Variants in ST6GAL1 observed in about 807,000 individuals in gnomAD.
ST6GAL1 encodes beta-galactoside alpha-2,6-sialyltransferase 1.
Under a neutral mutation model 38.0 loss-of-function variants are expected in ST6GAL1, and 20 were observed. The observed-to-expected ratio is 0.53, with a 90% confidence interval of 0.37 to 0.77. The LOEUF is 0.77. Among genes scored for constraint, ST6GAL1 ranks in the 30% least tolerant of loss-of-function variants. The pLI is 0.00. For missense variants in ST6GAL1, 432 were observed against 496.4 expected (o/e 0.87, Z 1.23); for synonymous variants, 196 against 188.2 (o/e 1.04, Z -0.34).
chr3:186,947,684 G>A (rs893016043), intron 1 of ST6GAL1, among the ~76,000 whole-genome samples: 12 of 152,162 alleles, frequency 7.9e-5, no homozygotes, highest in Non-Finnish European at 1.6e-4. Flanking sequence ...TCCAGCAGCC[G>A]TGTGGCCCCA....
intron 1 of ST6GAL1, among the ~76,000 whole-genome samples, chr3:186,946,839 A>G (rs1714388027): frequency 6.6e-6 from 1 of 152,206 alleles, no homozygotes; most frequent in African/African-American, 2.4e-5. Context: ...GGAGATACAG[A>G]TGGATGAACA....
At chr3:187,045,270 G>A (rs548447252) in intron 4 of ST6GAL1, among the ~76,000 whole-genome samples, 10 of 151,610 alleles carry the variant, frequency 6.6e-5, no homozygotes, top group Admixed American at 5.3e-4. Flanking sequence ...TAGAAGACAC[G>A]AGTAAGAGAC....
intron 2 of ST6GAL1, among the ~76,000 whole-genome samples, chr3:186,999,435 G>A (rs1013532127): frequency 2.1e-5 from 3 of 143,564 alleles, no homozygotes; most frequent in Admixed American, 7.2e-5. Flanking sequence ...TTTTTGAGAC[G>A]GAGTCTCACT....
In ST6GAL1 at chr3:187,051,360, T is replaced by C. The variant is rs755439763; in HGVS notation, c.705+14T>C. The C allele has an allele frequency of 6.2e-7, 1 of 1,612,312 alleles. No homozygotes were observed. Among genetic ancestry groups the C allele is most frequent in the Non-Finnish European group, 8.5e-7 (1 of 1,178,466 alleles). Reference sequence around the variant, plus strand: ...ATGAACTCTCAGGTAAAATTTCTTCTGTGCAGCTATGGAGTAAGAGAAGGA... The same window carrying C: ...ATGAACTCTCAGGTAAAATTTCTTCCGTGCAGCTATGGAGTAAGAGAAGGA... On this transcript the variant is annotated intron_variant, in intron 5 of 7. Coordinates refer to ENST00000169298, the MANE Select transcript of ST6GAL1 (RefSeq NM_173216.2).
chr3:187,059,446 A>G (rs1475939452), intron 5 of ST6GAL1, among the ~76,000 whole-genome samples: 2 of 152,232 alleles, frequency 1.3e-5, no homozygotes, highest in African/African-American at 2.4e-5. Flanking sequence ...CCACTTCTAT[A>G]TAAGATGCTA....
intron 2 of ST6GAL1, among the ~76,000 whole-genome samples, chr3:187,003,945 T>G (rs1716700792): frequency 6.6e-6 from 1 of 152,178 alleles, no homozygotes; most frequent in South Asian, 2.1e-4. Context: ...TGATGTGGTT[T>G]GAATATATGT....
At chr3:187,018,511 TGGAGTCTGATGTTCGAGGGCA>T (rs1430408543) in intron 2 of ST6GAL1, among the ~76,000 whole-genome samples, 3 of 152,144 alleles carry the variant, frequency 2.0e-5, no homozygotes, top group Non-Finnish European at 4.4e-5. Context: ...CTGAAGAACT[TGGAGTCTGATGTTCGAGGGCA>T]GGAAGCATCC....
chr3:186,997,185 G>A (rs539535443), intron 2 of ST6GAL1, among the ~76,000 whole-genome samples: 2 of 152,208 alleles, frequency 1.3e-5, no homozygotes, highest in South Asian at 2.1e-4. Flanking sequence ...CACTGGGCAC[G>A]TTACGCTACT....
chr3:187,054,642 T>C (rs1348213934), intron 5 of ST6GAL1, among the ~76,000 whole-genome samples: 1 of 152,240 alleles, frequency 6.6e-6, no homozygotes, highest in African/African-American at 2.4e-5. Context: ...ATTCCAGGGA[T>C]GAAGCTGACT....
At chr3:186,937,493 G>A (rs565967415) in intron 1 of ST6GAL1, among the ~76,000 whole-genome samples, 30 of 152,132 alleles carry the variant, frequency 2.0e-4, no homozygotes, top group Non-Finnish European at 3.5e-4. Context: ...AGTCTTCAAC[G>A]TCTGCATATG....
intron 5 of ST6GAL1, among the ~76,000 whole-genome samples, chr3:187,065,610 C>A (rs1388402020): frequency 6.6e-6 from 1 of 152,116 alleles, no homozygotes; most frequent in Non-Finnish European, 1.5e-5. Flanking sequence ...ACCTCCTGTA[C>A]CCTGTGGGCC....
chr3:186,967,822 T>C (rs1473844197), intron 2 of ST6GAL1, among the ~76,000 whole-genome samples: 1 of 152,212 alleles, frequency 6.6e-6, no homozygotes, highest in East Asian at 1.9e-4. Flanking sequence ...TGGAGTCTGT[T>C]CTGCTGACTG....
intron 1 of ST6GAL1, among the ~76,000 whole-genome samples, chr3:186,941,590 C>A (rs962759220): frequency 6.6e-6 from 1 of 151,486 alleles, no homozygotes; most frequent in Non-Finnish European, 1.5e-5. Context: ...GCAAGATGGG[C>A]GGGGGGTGAG....
At chr3:187,072,032 A>T (rs577661427) in intron 5 of ST6GAL1, 1 of 152,308 alleles carries the variant, frequency 6.6e-6, no homozygotes, top group South Asian at 2.1e-4. Context: ...CAAAGAGTAT[A>T]AATGTGCTTT....
intron 5 of ST6GAL1, among the ~76,000 whole-genome samples, chr3:187,062,303 C>T (rs1718944047): frequency 1.3e-5 from 2 of 151,992 alleles, no homozygotes; most frequent in African/African-American, 4.8e-5. Flanking sequence ...AATGGAATTA[C>T]CGTGTAATCT....
chr3:186,967,536 A>G (rs12495026), intron 2 of ST6GAL1, among the ~76,000 whole-genome samples: 38,652 of 152,130 alleles, frequency 0.25, 5,446 homozygotes, highest in East Asian at 0.56. Context: ...TGGGGAACAA[A>G]CCAGCAGATG....
At chr3:186,945,288 A>G (rs1714316594) in intron 1 of ST6GAL1, among the ~76,000 whole-genome samples, 1 of 151,708 alleles carries the variant, frequency 6.6e-6, no homozygotes, top group Non-Finnish European at 1.5e-5. Context: ...GCTGGGTGAA[A>G]GAGCAAGACC....
intron 1 of ST6GAL1, among the ~76,000 whole-genome samples, chr3:186,931,772 C>T (rs570199539): frequency 1.2e-4 from 18 of 152,302 alleles, no homozygotes; most frequent in African/African-American, 4.3e-4. Context: ...GTCACTAGCC[C>T]CTTTTGGCTT....
chr3:187,043,112 G>A lies in ST6GAL1; in HGVS notation c.409G>A (p.Ala137Thr), dbSNP rs146159160. ...KGPGPGIKFS[A>T]EALRCHLRDH... ...GCCAGGACCAGGCATCAAGTTCAGT[G>A]CAGAGGCCCTGCGCTGCCACCTCCG... Residue 137 changes from alanine (A) to threonine (T), a missense_variant, in exon 4 of 8, where the codon GCA becomes ACA. Physicochemically the swap from Ala to Thr is moderately conservative, Grantham distance 58. Transcript: ENST00000169298. The A allele has an allele frequency of 6.2e-7, 1 of 1,614,232 alleles. No individual in the cohort carries two copies. The highest frequency in any genetic ancestry group is 8.5e-7 in the Non-Finnish European group (1 of 1,180,038).
Sources: allele counts gnomAD v4.1 joint callset (sites outside exome capture counted in the v4.1 genomes callset), GRCh38; gene constraint gnomAD v4.1.1; transcripts MANE v1.5; gene names NCBI Gene and HGNC (gene_info 2026-07-23, HGNC 2026-07-21).